The following TRMT11 variants were observed in gnomAD, a reference collection of about 807,000 sequenced individuals.
TRMT11 encodes tRNA methyltransferase 11, also known as tRNA (guanine(10)-N(2))-methyltransferase TRMT11.
In TRMT11, 53 loss-of-function variants were observed where a neutral mutation model predicts 62.8. The observed-to-expected ratio is 0.84, with a 90% CI of 0.68 to 1.06. TRMT11 has a LOEUF of 1.06. Ranked by LOEUF, TRMT11 falls within the 50% of genes least tolerant of loss-of-function variation. The pLI is 0.00. For missense variants in TRMT11, 556 were observed against 553.4 expected (o/e 1.00, Z -0.05); for synonymous variants, 188 against 190.3 (o/e 0.99, Z 0.10).
intron 11 of TRMT11, among the ~76,000 whole-genome samples, chr6:126,017,340 T>C (rs1795134146): frequency 6.6e-6 from 1 of 152,164 alleles, no homozygotes; most frequent in Non-Finnish European, 1.5e-5. Flanking sequence ...GTATAAGACA[T>C]AAAAGCAAAA....
At chr6:126,225,271 G>A in the TRMT11 span, among the ~76,000 whole-genome samples, 9 of 152,250 alleles carry the variant, frequency 5.9e-5, 1 homozygote, top group Admixed American at 2.0e-4. Context: ...AATGACCAGG[G>A]GGTTTATGGC....
the TRMT11 span, among the ~76,000 whole-genome samples, chr6:126,238,014 A>G: frequency 3.3e-5 from 5 of 152,152 alleles, no homozygotes; most frequent in Non-Finnish European, 5.9e-5. Context: ...TGTGTGTAGT[A>G]TTCTCTGATG....
chr6:126,059,045 CTTTTT>C (rs1036996695), intron 17 of TRMT11, among the ~76,000 whole-genome samples: 1 of 128,132 alleles, frequency 7.8e-6, no homozygotes. Flanking sequence ...CTCTACTTAT[CTTTTT>C]TTTTTTTTTT....
At chr6:126,262,646 A>G in the TRMT11 span, among the ~76,000 whole-genome samples, 2 of 152,130 alleles carry the variant, frequency 1.3e-5, no homozygotes, top group Admixed American at 6.5e-5. Flanking sequence ...ATACTCTTCA[A>G]ATTGGATTTA....
intron 9 of TRMT11, 30 bp downstream of exon 9, chr6:126,011,447 T>C (rs369451081): frequency 1.1e-5 from 17 of 1,578,542 alleles, no homozygotes; most frequent in Admixed American, 1.8e-5. Flanking sequence ...AAAGTAGGAG[T>C]AGGATTCGTT....
chr6:126,222,309 A>C, the TRMT11 span, among the ~76,000 whole-genome samples: 1 of 152,040 alleles, frequency 6.6e-6, no homozygotes, highest in Non-Finnish European at 1.5e-5. Flanking sequence ...TTTTGGTTCC[A>C]TATTAATTTT....
At chr6:126,070,347 T>C (rs1386105687) in intron 17 of TRMT11, among the ~76,000 whole-genome samples, 2 of 152,226 alleles carry the variant, frequency 1.3e-5, no homozygotes, top group East Asian at 1.9e-4. Context: ...CCCTCTTCTC[T>C]TCTTGTCTTT....
At chr6:126,042,678 G>A (rs149357746), downstream of TRMT11, among the ~76,000 whole-genome samples, 810 of 152,232 alleles carry the variant, frequency 5.3e-3, 3 homozygotes, top group Middle Eastern at 0.02. Context: ...AGCTTCCCTG[G>A]CTCTCTCCTG....
chr6:126,172,618 CA>C (rs1241503780), upstream of TRMT11, among the ~76,000 whole-genome samples: 6 of 152,052 alleles, frequency 3.9e-5, no homozygotes, highest in African/African-American at 1.4e-4. Context: ...CTTATTGAAA[CA>C]CTTTCAATAC....
At chr6:126,076,816 T>C (rs1313798710) in intron 17 of TRMT11, among the ~76,000 whole-genome samples, 1 of 152,216 alleles carries the variant, frequency 6.6e-6, no homozygotes, top group African/African-American at 2.4e-5. Flanking sequence ...AGCTAATTAC[T>C]ACCTGAATTA....
intron 1 of TRMT11, among the ~76,000 whole-genome samples, chr6:126,188,464 C>T (rs992217968): frequency 2.3e-4 from 35 of 152,054 alleles, no homozygotes; most frequent in African/African-American, 8.2e-4. Context: ...CTAAAATAAA[C>T]AATGTCTGGC....
the TRMT11 span, among the ~76,000 whole-genome samples, chr6:126,262,301 G>A: frequency 3.8e-4 from 58 of 152,322 alleles, no homozygotes; most frequent in East Asian, 0.011. Context: ...TACAACATGA[G>A]TTCATGTGGG....
intron 21 of TRMT11, among the ~76,000 whole-genome samples, chr6:126,120,012 G>A (rs964908072): frequency 2.6e-5 from 4 of 152,096 alleles, no homozygotes; most frequent in African/African-American, 9.7e-5. Context: ...AGGGGCTCAT[G>A]CCTGTAATCC....
At chr6:126,113,468 C>T (rs1257664576) in intron 18 of TRMT11, among the ~76,000 whole-genome samples, 1 of 151,990 alleles carries the variant, frequency 6.6e-6, no homozygotes, top group African/African-American at 2.4e-5. Context: ...CCTTTCTCAC[C>T]AACAGTGATA....
chr6:126,004,595 C>T (rs1024585353), intron 7 of TRMT11, among the ~76,000 whole-genome samples: 6 of 151,964 alleles, frequency 3.9e-5, no homozygotes, highest in South Asian at 2.1e-4. Flanking sequence ...TGGAGAAATA[C>T]GTAGCTCTGT....
chr6:126,155,105 G>A (rs1030365215), intron 21 of TRMT11, among the ~76,000 whole-genome samples: 6 of 152,140 alleles, frequency 3.9e-5, no homozygotes, highest in African/African-American at 1.4e-4. Context: ...TATTTAATTG[G>A]CTTACTATTC....
intron 17 of TRMT11, among the ~76,000 whole-genome samples, chr6:126,071,256 A>C (rs1776845209): frequency 2.6e-5 from 4 of 152,014 alleles, no homozygotes. Context: ...ATGCTGATAA[A>C]TCTTTCTAAT....
intron 1 of TRMT11, 59 bp from the exon 2 acceptor site, chr6:125,993,698 A>G: frequency 9.0e-7 from 1 of 1,109,760 alleles, no homozygotes; most frequent in South Asian, 1.3e-5. Context: ...TGTCTCCCTT[A>G]GTACATTTTT....
At chr6:126,212,427 G>A in the TRMT11 span, among the ~76,000 whole-genome samples, 1 of 152,066 alleles carries the variant, frequency 6.6e-6, no homozygotes, top group East Asian at 1.9e-4. Flanking sequence ...ATCCTTGTCA[G>A]CACTTGTTAT....
Sources: gnomAD v4.1 joint callset for allele counts (sites outside exome capture counted in the v4.1 genomes callset) on GRCh38, gnomAD v4.1.1 for gene constraint, MANE v1.5 for transcripts, NCBI Gene and HGNC (gene_info 2026-07-23, HGNC 2026-07-21) for gene names.